Variants in PMM2 observed in about 807,000 individuals in gnomAD.
The protein encoded by PMM2 is mannose-6-phosphate isomerase.
PMM2 carries 35 observed loss-of-function variants against 33.2 expected under a neutral mutation model. That is an observed-to-expected ratio of 1.06 (90% confidence interval 0.81 to 1.40). The LOEUF (loss-of-function observed/expected upper bound fraction) is 1.40. Ranked by LOEUF, PMM2 falls within the 40% of genes most tolerant of loss-of-function variation. The probability of loss-of-function intolerance (pLI) is 0.00; values close to 1 mark genes in which losing one functional copy is unlikely to be tolerated. For missense variants in PMM2, 386 were observed against 306.0 expected (o/e 1.26, Z -1.95); for synonymous variants, 153 against 114.7 (o/e 1.33, Z -2.13).
At chr16:8,828,216 T>G (rs1453467118) in intron 7 of PMM2, among the ~76,000 whole-genome samples, 2 of 151,562 alleles carry the variant, frequency 1.3e-5, no homozygotes, top group Non-Finnish European at 2.9e-5. Flanking sequence ...TGGTAAGCAG[T>G]TTTTTGTTTT....
At chr16:8,826,625 C>T (rs573865717) in intron 7 of PMM2, among the ~76,000 whole-genome samples, 1 of 152,218 alleles carries the variant, frequency 6.6e-6, no homozygotes, top group African/African-American at 2.4e-5. Flanking sequence ...AGATTACTAA[C>T]GTCATGTGAA....
chr16:8,822,565 G>A (rs1190645022), intron 7 of PMM2, among the ~76,000 whole-genome samples: 2 of 152,188 alleles, frequency 1.3e-5, no homozygotes, highest in South Asian at 2.1e-4. Flanking sequence ...AAGCAAGATG[G>A]AGTCATTTAG....
At chr16:8,813,759 A>C (rs2060690990) in intron 7 of PMM2, among the ~76,000 whole-genome samples, 1 of 151,974 alleles carries the variant, frequency 6.6e-6, no homozygotes, top group Non-Finnish European at 1.5e-5. Context: ...TCCGTGGGGC[A>C]AGGTGGATCC....
Position 8,816,401 on chromosome 16 carries a change from T to C in PMM2, c.639+3295T>C, listed in dbSNP as rs560749230. ...TTGACCTCCCAAAGTGCTAGGCTTA[T>C]AGGCGTGAGCCACCACACTGGGCCA... On this transcript the variant is annotated intron_variant, in intron 7 of 7. Transcript: ENST00000268261. 3.1e-4 allele frequency among the ~76,000 whole-genome samples: 47 copies of C among 151,748 alleles called. No homozygotes were observed. In the East Asian group the frequency reaches 8.4e-3, roughly 27 times the overall value.
chr16:8,819,221 C>T (rs2060723827), intron 7 of PMM2, among the ~76,000 whole-genome samples: 1 of 152,230 alleles, frequency 6.6e-6, no homozygotes, highest in Admixed American at 6.5e-5. Flanking sequence ...TGACAGTGGT[C>T]TGTCTCTGCA....
intron 7 of PMM2, among the ~76,000 whole-genome samples, chr16:8,833,581 T>A (rs1390350963): frequency 1.3e-5 from 2 of 151,552 alleles, no homozygotes; most frequent in Non-Finnish European, 2.9e-5. Context: ...TCAGGGCTGC[T>A]TCAAGCGGGA....
At chr16:8,801,069 A>G (rs553292973) in intron 1 of PMM2, among the ~76,000 whole-genome samples, 1 of 152,364 alleles carries the variant, frequency 6.6e-6, no homozygotes, top group African/African-American at 2.4e-5. Context: ...TAGCATTTAA[A>G]AGGAATGATG....
chr16:8,826,487 C>G (rs181053360), intron 7 of PMM2, among the ~76,000 whole-genome samples: 4 of 152,274 alleles, frequency 2.6e-5, no homozygotes, highest in African/African-American at 9.6e-5. Context: ...TGAACAATTA[C>G]AAAAGTCACA....
intron 7 of PMM2, among the ~76,000 whole-genome samples, chr16:8,838,916 T>G (rs1021929803): frequency 1.3e-5 from 2 of 151,948 alleles, no homozygotes; most frequent in African/African-American, 2.4e-5. Flanking sequence ...TCCTCTTTTT[T>G]CAACAGTGAG....
chr16:8,819,624 G>A (rs779791424), intron 7 of PMM2, among the ~76,000 whole-genome samples: 5 of 150,994 alleles, frequency 3.3e-5, no homozygotes, highest in Non-Finnish European at 5.9e-5. Context: ...GAGCCTAGGA[G>A]TTCAAGATTA....
intron 7 of PMM2, chr16:8,833,000 C>G (rs141069339): frequency 1.8e-6 from 1 of 560,742 alleles, no homozygotes; most frequent in African/African-American, 2.2e-5. Flanking sequence ...TGGTTTGCGC[C>G]GTATCCCCAG....
At chr16:8,824,052 G>A (rs533867461) in intron 7 of PMM2, among the ~76,000 whole-genome samples, 2 of 152,318 alleles carry the variant, frequency 1.3e-5, no homozygotes, top group African/African-American at 4.8e-5. Context: ...CTCACAAATA[G>A]TTTCCAAATT....
rs962435269 is a variant in PMM2, at chr16:8,832,188, C to T, written c.640-15536C>T. 1.2e-5 allele frequency: 12 copies of T among 985,270 alleles called. No individual in the cohort carries two copies. The African/African-American group carries it at 2.1e-4, about 17-fold the overall frequency. 61.0% of individuals were successfully genotyped at this position (985,270 alleles called of 1,614,324 possible). A position where few individuals can be genotyped will look rare whatever the true frequency, so the allele number is the denominator to read the frequency against. Reference sequence around the variant, plus strand: ...ACCCCAGGAAGGAGCCCACCATGCTCTGAGAGTCACAAAGAAAGAAGCAGA... The same window carrying T: ...ACCCCAGGAAGGAGCCCACCATGCTTTGAGAGTCACAAAGAAAGAAGCAGA... On this transcript the variant is annotated intron_variant, in intron 7 of 7. Coordinates refer to ENST00000268261, the MANE Select transcript of PMM2 (RefSeq NM_000303.3).
intron 7 of PMM2, among the ~76,000 whole-genome samples, chr16:8,831,547 G>C (rs181353972): frequency 1.6e-4 from 25 of 152,224 alleles, no homozygotes; most frequent in African/African-American, 5.8e-4. Context: ...AAATAAATAA[G>C]AGTCCCGACC....
At chr16:8,845,887 C>T (rs947692290) in intron 7 of PMM2, among the ~76,000 whole-genome samples, 2 of 151,364 alleles carry the variant, frequency 1.3e-5, no homozygotes, top group African/African-American at 4.9e-5. Flanking sequence ...GAGGCTGAGG[C>T]AGGAGGTTCG....
chr16:8,846,810 C>T (rs1160186800), intron 7 of PMM2, among the ~76,000 whole-genome samples: 5 of 152,228 alleles, frequency 3.3e-5, no homozygotes, highest in East Asian at 3.8e-4. Context: ...ACCCAGGCCA[C>T]CTGTTCCAGA....
intron 7 of PMM2, among the ~76,000 whole-genome samples, chr16:8,827,724 A>G (rs1310754224): frequency 1.9e-4 from 2 of 10,288 alleles, no homozygotes; most frequent in African/African-American, 5.6e-4. Flanking sequence ...GTGTGCATAT[A>G]TATATATATA....
chr16:8,800,730 C>A (rs541349261), intron 1 of PMM2, among the ~76,000 whole-genome samples: 9 of 150,186 alleles, frequency 6.0e-5, no homozygotes, highest in Non-Finnish European at 1.3e-4. Context: ...GTGACCCAGG[C>A]TGGAGTGCAG....
At chr16:8,838,630 A>C (rs1276968091) in intron 7 of PMM2, among the ~76,000 whole-genome samples, 1 of 151,948 alleles carries the variant, frequency 6.6e-6, no homozygotes, top group Non-Finnish European at 1.5e-5. Flanking sequence ...GTTGTATAGA[A>C]TGATTGGTGA....
Sources: allele counts gnomAD v4.1 joint callset (sites outside exome capture counted in the v4.1 genomes callset), GRCh38; gene constraint gnomAD v4.1.1; transcripts MANE v1.5; gene names NCBI Gene and HGNC (gene_info 2026-07-23, HGNC 2026-07-21).